Variants in ITPR1 observed in about 807,000 individuals in gnomAD.
The protein encoded by ITPR1 is inositol 1,4,5-trisphosphate receptor type 1, also known as inositol 1,4,5-trisphosphate-gated calcium channel ITPR1.
A neutral mutation model predicts 318.4 loss-of-function variants in ITPR1; 96 were observed. That is an observed-to-expected ratio of 0.30 (90% confidence interval 0.26 to 0.36). ITPR1 has a LOEUF of 0.36. ITPR1 is among the 10% of genes least tolerant of loss of function. ITPR1 has a pLI of 1.00. For synonymous variants in ITPR1, 1,312 were observed against 1,289.9 expected, an observed-to-expected ratio of 1.02 and a Z score of -0.37; for missense variants, 2,440 against 3,460.2, an observed-to-expected ratio of 0.71 and a Z score of 7.40.
At position 4,683,612 on chromosome 3, in the gene ITPR1, G is replaced by A. The variant is rs1459135654; in HGVS notation, c.3328-16G>A. ...AAGAAGCTGTTGTGTGCACCTAACG[G>A]ATTGCGTTCATTAAGGTTCAACTGC... On this transcript the variant is annotated splice_polypyrimidine_tract_variant and intron_variant, in intron 27 of 61. Transcript: ENST00000649015. The A allele has an allele frequency of 6.2e-7, 1 of 1,613,944 alleles. No homozygotes were observed. The highest frequency in any genetic ancestry group is 8.5e-7 in the Non-Finnish European group (1 of 1,179,906).
chr3:4,515,225 A>G (rs1575376778), intron 2 of ITPR1, among the ~76,000 whole-genome samples: 2 of 152,310 alleles, frequency 1.3e-5, no homozygotes, highest in Admixed American at 1.3e-4. Flanking sequence ...ATTCCTGCTA[A>G]GGTGGTAGGT....
At chr3:4,828,208 A>G (rs565038214) in intron 60 of ITPR1, among the ~76,000 whole-genome samples, 2 of 152,306 alleles carry the variant, frequency 1.3e-5, no homozygotes, top group Admixed American at 1.3e-4. Context: ...AAACAAACAC[A>G]ATGCATTGTT....
intron 42 of ITPR1, among the ~76,000 whole-genome samples, chr3:4,730,950 T>C (rs1472207227): frequency 6.6e-6 from 1 of 152,188 alleles, no homozygotes; most frequent in Admixed American, 6.5e-5. Context: ...AACAATGTTC[T>C]CACAGTGCCA....
At chr3:4,647,502 T>G (rs915695576) in intron 10 of ITPR1, among the ~76,000 whole-genome samples, 3 of 152,220 alleles carry the variant, frequency 2.0e-5, no homozygotes, top group African/African-American at 7.2e-5. Flanking sequence ...ATATTCAACT[T>G]TATAAGAAAT....
At chr3:4,655,589 A>G (rs1410285139) in intron 12 of ITPR1, among the ~76,000 whole-genome samples, 1 of 152,308 alleles carries the variant, frequency 6.6e-6, no homozygotes, top group Non-Finnish European at 1.5e-5. Context: ...ACAGCAGTGT[A>G]TAAAAGGAGT....
chr3:4,592,090 G>T (rs1454426168), intron 4 of ITPR1, among the ~76,000 whole-genome samples: 1 of 152,290 alleles, frequency 6.6e-6, no homozygotes, highest in East Asian at 1.9e-4. Flanking sequence ...GTTTAAAAGA[G>T]AACACACAAT....
chr3:4,613,343 A>T (rs1177848201), intron 4 of ITPR1, among the ~76,000 whole-genome samples: 1 of 152,198 alleles, frequency 6.6e-6, no homozygotes, highest in Non-Finnish European at 1.5e-5. Context: ...CCTCAGAGGG[A>T]TGACTTTGAA....
At chr3:4,725,752 T>G (rs1049277387) in intron 41 of ITPR1, among the ~76,000 whole-genome samples, 171 bp downstream of exon 41, 1 of 152,176 alleles carries the variant, frequency 6.6e-6, no homozygotes, top group Non-Finnish European at 1.5e-5. Context: ...TGGATGTGGC[T>G]CTCAGTGTAG....
At chr3:4,695,227 G>A (rs888457515) in intron 33 of ITPR1, among the ~76,000 whole-genome samples, 28 of 152,172 alleles carry the variant, frequency 1.8e-4, no homozygotes, top group African/African-American at 6.5e-4. Flanking sequence ...CTTGGCCACA[G>A]TATGTTATCA....
chr3:4,696,307 T>C (rs2094557119), intron 33 of ITPR1, among the ~76,000 whole-genome samples: 1 of 152,328 alleles, frequency 6.6e-6, no homozygotes, highest in Non-Finnish European at 1.5e-5. Flanking sequence ...GGCAACTGAT[T>C]GTCTTTCTGA....
intron 10 of ITPR1, among the ~76,000 whole-genome samples, chr3:4,646,435 C>T (rs986117808): frequency 1.1e-4 from 17 of 152,094 alleles, no homozygotes; most frequent in African/African-American, 3.9e-4. Context: ...AATGTGGAAA[C>T]GTGAAGCAGC....
intron 42 of ITPR1, among the ~76,000 whole-genome samples, chr3:4,731,664 C>G (rs1459929254): frequency 6.6e-6 from 1 of 152,054 alleles, no homozygotes; most frequent in African/African-American, 2.4e-5. Flanking sequence ...GTAGATAAAC[C>G]CTTTCTGGGA....
At chr3:4,650,712 A>G (rs1373246922) in intron 10 of ITPR1, among the ~76,000 whole-genome samples, 1 of 147,254 alleles carries the variant, frequency 6.8e-6, no homozygotes, top group African/African-American at 2.5e-5. Flanking sequence ...ATCTATGGGT[A>G]TGTGTCAAAT....
At chr3:4,844,074 A>G (rs762754153) in intron 61 of ITPR1, among the ~76,000 whole-genome samples, 5 of 152,076 alleles carry the variant, frequency 3.3e-5, no homozygotes, top group African/African-American at 4.8e-5. Flanking sequence ...GCAGCTTTAA[A>G]TATAAGCTTT....
intron 46 of ITPR1, 23 bp downstream of exon 46, chr3:4,768,787 G>A (rs377680703): frequency 2.6e-5 from 41 of 1,593,856 alleles, no homozygotes; most frequent in African/African-American, 1.6e-4. Context: ...GGGTGGGGGC[G>A]TGGAGGGAGC....
chr3:4,535,553 C>T (rs1373553943), intron 4 of ITPR1, among the ~76,000 whole-genome samples: 1 of 147,468 alleles, frequency 6.8e-6, no homozygotes, highest in East Asian at 2.0e-4. Context: ...CACCATTCTC[C>T]TGCCTCAGCC....
intron 60 of ITPR1, among the ~76,000 whole-genome samples, chr3:4,830,111 T>C (rs778591284): frequency 3.3e-5 from 5 of 151,784 alleles, no homozygotes; most frequent in Non-Finnish European, 7.4e-5. Context: ...GTAGCTGGGA[T>C]TACAGGCACA....
intron 4 of ITPR1, among the ~76,000 whole-genome samples, chr3:4,548,992 AG>A (rs905170451): frequency 3.9e-5 from 6 of 152,026 alleles, no homozygotes; most frequent in South Asian, 4.2e-4. Context: ...ACTTTTCGGG[AG>A]GGGGGGACTT....
At chr3:4,635,555 C>T (rs2093161703) in intron 5 of ITPR1, among the ~76,000 whole-genome samples, 4 of 151,840 alleles carry the variant, frequency 2.6e-5, no homozygotes, top group Admixed American at 2.6e-4. Flanking sequence ...CTGTGTTAGC[C>T]AGGATGGTCT....
Sources: allele counts gnomAD v4.1 joint callset (sites outside exome capture counted in the v4.1 genomes callset), GRCh38; gene constraint gnomAD v4.1.1; transcripts MANE v1.5; gene names NCBI Gene and HGNC (gene_info 2026-07-23, HGNC 2026-07-21).